TM9SF3: variants seen among roughly 807,000 people sequenced by gnomAD.
The protein encoded by TM9SF3 is transmembrane 9 superfamily member 3, also known as SM-11044-binding protein.
Under a neutral mutation model 78.6 loss-of-function variants are expected in TM9SF3, and 14 were observed. The observed-to-expected ratio is 0.18, with a 90% CI of 0.12 to 0.28. The LOEUF (loss-of-function observed/expected upper bound fraction) is 0.28, where lower values mean the gene tolerates loss of function less well. Among genes scored for constraint, TM9SF3 ranks in the 10% least tolerant of loss-of-function variants. The pLI, the probability that TM9SF3 is intolerant of heterozygous loss-of-function variation, is 1.00. For missense variants in TM9SF3, 496 were observed against 721.9 expected, an observed-to-expected ratio of 0.69 and a Z score of 3.59; for synonymous variants, 231 against 241.7, an observed-to-expected ratio of 0.96 and a Z score of 0.41.
intron 8 of TM9SF3, 47 bp from the exon 9 acceptor site, chr10:96,544,253 G>T: frequency 7.0e-7 from 1 of 1,430,106 alleles, no homozygotes; most frequent in Non-Finnish European, 9.3e-7. Context: ...TATTTAGTAC[G>T]AAATTATTTG....
chr10:96,555,292 A>G (rs1011460621), intron 5 of TM9SF3, among the ~76,000 whole-genome samples: 5 of 152,144 alleles, frequency 3.3e-5, no homozygotes, highest in African/African-American at 1.2e-4. Context: ...ATCCACAAGC[A>G]CAGCATACTC....
At chr10:96,567,289 T>A (rs775363231) in intron 2 of TM9SF3, among the ~76,000 whole-genome samples, 2 of 152,054 alleles carry the variant, frequency 1.3e-5, no homozygotes, top group Non-Finnish European at 2.9e-5. Context: ...TTTCACCATG[T>A]TAGCAGGCTG....
Position 96,586,986 on chromosome 10 carries a change from C to CCGCCGT in TM9SF3, c.-157_-152dup, listed in dbSNP as rs553739020. 50 of 494,802 alleles carry CCGCCGT rather than the reference C, an allele frequency of 1.0e-4. 1 individual carries two copies. The South Asian group carries it at 1.2e-3, about 11-fold the overall frequency. The allele number at this position is 494,802 out of a possible 1,614,324, so 30.7% of individuals were successfully genotyped here. On this transcript the variant is annotated 5_prime_UTR_variant, in exon 1 of 15. Coordinates refer to ENST00000371142, the MANE Select transcript of TM9SF3 (RefSeq NM_020123.4). The stretch of plus-strand genomic sequence containing the variant: ...GGCCCAGCCGCTGCCTCCTCTGCCG[C>CCGCCGT]CGCCGTCGCCGTCACCGCCCGCTCC...
chr10:96,568,985 C>T (rs926340526), intron 2 of TM9SF3, among the ~76,000 whole-genome samples: 22 of 151,932 alleles, frequency 1.4e-4, no homozygotes, highest in African/African-American at 4.1e-4. Flanking sequence ...CCCAGGAGTT[C>T]GAGACCAGCC....
intron 9 of TM9SF3, among the ~76,000 whole-genome samples, chr10:96,541,308 G>C (rs1564930952): frequency 6.6e-6 from 1 of 152,112 alleles, no homozygotes; most frequent in East Asian, 1.9e-4. Context: ...CCTTTGGGTA[G>C]AGCATCTAAA....
At chr10:96,536,528 T>C (rs766610135) in intron 9 of TM9SF3, among the ~76,000 whole-genome samples, 29 of 152,176 alleles carry the variant, frequency 1.9e-4, no homozygotes, top group South Asian at 1.5e-3. Flanking sequence ...ATAAGTGAAT[T>C]TGGCAGGGTT....
At chr10:96,562,226 T>G (rs1446700248) in intron 3 of TM9SF3, 88 bp from the exon 4 acceptor site, 10 of 1,144,646 alleles carry the variant, frequency 8.7e-6, no homozygotes, top group Non-Finnish European at 1.2e-5. Context: ...GTTTTTTTTT[T>G]TTTTTTTTTT....
intron 8 of TM9SF3, 26 bp from the exon 9 acceptor site, chr10:96,544,232 T>C: frequency 6.5e-7 from 1 of 1,533,028 alleles, no homozygotes; most frequent in Admixed American, 2.2e-5. Flanking sequence ...ACTATGAAAG[T>C]TTAATATAAT....
intron 7 of TM9SF3, among the ~76,000 whole-genome samples, chr10:96,548,466 TA>T (rs1382026777): frequency 2.6e-5 from 4 of 152,182 alleles, no homozygotes; most frequent in African/African-American, 9.7e-5. Context: ...TTAGATGGAA[TA>T]ACACTGAGGC....
At chr10:96,581,739 G>A (rs1848571917) in intron 1 of TM9SF3, among the ~76,000 whole-genome samples, 2 of 152,118 alleles carry the variant, frequency 1.3e-5, no homozygotes, top group Non-Finnish European at 2.9e-5. Context: ...AAAGACAAAA[G>A]GTTTCCATTT....
At chr10:96,543,566 C>T (rs1350368175) in intron 9 of TM9SF3, 7 of 152,036 alleles carry the variant, frequency 4.6e-5, no homozygotes, top group African/African-American at 1.7e-4. Flanking sequence ...TCTCAATCTC[C>T]TGACCTCGTG....
At position 96,521,912 on chromosome 10, in the gene TM9SF3, A is replaced by G. The variant is rs896937804; in HGVS notation, c.*351T>C. 1.1e-5 allele frequency: 2 copies of G among 180,930 alleles called. No individual in the cohort carries two copies. The highest frequency in any genetic ancestry group is 2.4e-5 in the African/African-American group (1 of 42,134). The allele number at this position is 180,930 out of a possible 1,614,324, so 11.2% of individuals were successfully genotyped here. Reference sequence around the variant, plus strand: ...AATTTTAGCATCCAAGTTTCCCTCTATTTATTTTATTGGAACAAATGCTTT... The same window carrying G: ...AATTTTAGCATCCAAGTTTCCCTCTGTTTATTTTATTGGAACAAATGCTTT... On this transcript the variant is annotated 3_prime_UTR_variant, in exon 15 of 15. Coordinates refer to ENST00000371142, the MANE Select transcript of TM9SF3 (RefSeq NM_020123.4).
intron 10 of TM9SF3, among the ~76,000 whole-genome samples, chr10:96,532,817 A>T (rs1321402077): frequency 6.6e-6 from 1 of 152,214 alleles, no homozygotes; most frequent in Non-Finnish European, 1.5e-5. Context: ...ACCATAGAAA[A>T]GCATTTGACT....
intron 7 of TM9SF3, 131 bp from the exon 8 acceptor site, chr10:96,548,120 T>G: frequency 1.7e-6 from 1 of 572,952 alleles, no homozygotes; most frequent in Non-Finnish European, 2.9e-6. Context: ...CAACCTGGAC[T>G]ACAAATAAAA....
intron 9 of TM9SF3, among the ~76,000 whole-genome samples, chr10:96,543,083 T>C (rs910191725): frequency 1.3e-5 from 2 of 152,226 alleles, no homozygotes; most frequent in Non-Finnish European, 2.9e-5. Context: ...GCAACTTGCA[T>C]TGGCATATAT....
intron 9 of TM9SF3, among the ~76,000 whole-genome samples, chr10:96,533,617 G>A (rs985245294): frequency 6.6e-6 from 1 of 152,100 alleles, no homozygotes; most frequent in Non-Finnish European, 1.5e-5. Flanking sequence ...GCAAATGAAG[G>A]AAAGGAGACT....
intron 9 of TM9SF3, among the ~76,000 whole-genome samples, chr10:96,534,201 T>G (rs1847928919): frequency 6.6e-6 from 1 of 152,160 alleles, no homozygotes; most frequent in South Asian, 2.1e-4. Context: ...TGTGTGTGTA[T>G]ATGTGTTTTT....
Position 96,577,240 on chromosome 10 carries a change from TA to T in TM9SF3, c.103-412del, listed in dbSNP as rs60557473. Among the ~76,000 whole-genome samples the T allele has an allele frequency of 2.8e-3, 408 of 143,672 alleles. 6 individuals carry two copies. The highest frequency in any genetic ancestry group is 9.9e-3 in the African/African-American group (387 of 39,236). 94.3% of individuals were successfully genotyped at this position (143,672 alleles called of 152,430 possible). ...TATCCAGAACCTCATGTTAATCAATTAAAAAAAAAAAAAAACCTAATGTTGC... is the reference window on the plus strand; with the variant it reads ...TATCCAGAACCTCATGTTAATCAATTAAAAAAAAAAAAAACCTAATGTTGC... On this transcript the variant is annotated intron_variant, in intron 1 of 14. Transcript: ENST00000371142.
chr10:96,530,207 A>G (rs1417972188), intron 11 of TM9SF3, among the ~76,000 whole-genome samples: 2 of 152,194 alleles, frequency 1.3e-5, no homozygotes, highest in Non-Finnish European at 2.9e-5. Context: ...ATCCTCAGAA[A>G]TATTTTTAAA....
Sources: allele counts gnomAD v4.1 joint callset (sites outside exome capture counted in the v4.1 genomes callset), GRCh38; gene constraint gnomAD v4.1.1; transcripts MANE v1.5; gene names NCBI Gene and HGNC (gene_info 2026-07-23, HGNC 2026-07-21).